The following RBM47 variants were observed in gnomAD, a reference collection of about 807,000 sequenced individuals.
RBM47 encodes the protein RNA binding motif protein 47.
Under a neutral mutation model 47.1 loss-of-function variants are expected in RBM47, and 21 were observed. The ratio of observed to expected loss-of-function variants is 0.45; its 90% CI spans 0.32 to 0.64. The LOEUF (loss-of-function observed/expected upper bound fraction) is 0.64. Among genes scored for constraint, RBM47 ranks in the 30% least tolerant of loss-of-function variants. RBM47 has a pLI of 0.05. For synonymous variants in RBM47, 375 were observed against 361.7 expected, an observed-to-expected ratio of 1.04 and a Z score of -0.42; for missense variants, 708 against 870.9, an observed-to-expected ratio of 0.81 and a Z score of 2.35.
chr4:40,616,933 TG>T (rs1480406215), intron 1 of RBM47, among the ~76,000 whole-genome samples: 3 of 145,944 alleles, frequency 2.1e-5, no homozygotes, highest in Non-Finnish European at 4.5e-5. Context: ...TGGAGTGCAG[TG>T]GCGCGATCTT....
chr4:40,522,138 A>T (rs190372488), intron 2 of RBM47, among the ~76,000 whole-genome samples: 116 of 152,338 alleles, frequency 7.6e-4, no homozygotes, highest in Non-Finnish European at 1.3e-3. Context: ...AGATGGGCCA[A>T]CCAATTTTAA....
chr4:40,542,669 C>T (rs557628775), intron 2 of RBM47: 2 of 152,236 alleles, frequency 1.3e-5, no homozygotes, highest in African/African-American at 4.8e-5. Context: ...GCATACCCAG[C>T]TAATTTTTTA....
Position 40,423,824 on chromosome 4 carries a change from G to A in RBM47, c.*2080C>T, listed in dbSNP as rs1205366206. ...ATAGTTTCATCCAGTGAAACTCTGT[G>A]ACAATCCTTCACTAGAAGGAGAGTA... is the stretch of plus-strand genomic sequence containing the variant. On this transcript the variant is annotated 3_prime_UTR_variant, in exon 7 of 7. Transcript: ENST00000295971. The A allele has an allele frequency of 6.6e-6, 1 of 152,256 alleles. No individual in the cohort carries two copies. The highest frequency in any genetic ancestry group is 6.6e-5 in the Admixed American group (1 of 15,194). The allele number at this position is 152,256 out of a possible 1,614,324, so 9.4% of individuals were successfully genotyped here. A position where few individuals can be genotyped will look rare whatever the true frequency, so the allele number is the denominator to read the frequency against.
chr4:40,445,248 T>A (rs1714354780), intron 3 of RBM47, among the ~76,000 whole-genome samples: 1 of 137,548 alleles, frequency 7.3e-6, no homozygotes. Flanking sequence ...CACTCCAGCC[T>A]GGGCGACAGA....
At chr4:40,551,473 C>T (rs1037165449) in intron 1 of RBM47, among the ~76,000 whole-genome samples, 1 of 151,850 alleles carries the variant, frequency 6.6e-6, no homozygotes, top group African/African-American at 2.4e-5. Context: ...AAGAAAACAA[C>T]AAAACAAAGT....
At chr4:40,617,746 TAA>T (rs1736884273) in intron 1 of RBM47, among the ~76,000 whole-genome samples, 1 of 151,460 alleles carries the variant, frequency 6.6e-6, no homozygotes, top group East Asian at 1.9e-4. Flanking sequence ...ATTTGAGTTA[TAA>T]GTTTGATGAC....
In RBM47 at chr4:40,561,547, T is replaced by TTC. The variant is rs201275900; in HGVS notation, c.-239-17042_-239-17041insGA. ...CTTCTTTTTTGCTTCTTCTTTTCTTTTTTTTTTCTTTTTTTTTTTTGAGAC... is the reference window on the plus strand; with the variant it reads ...CTTCTTTTTTGCTTCTTCTTTTCTTTTCTTTTTTTCTTTTTTTTTTTTGAGAC... On this transcript the variant is annotated intron_variant, in intron 1 of 6. Transcript: ENST00000295971. 7.9e-3 allele frequency among the ~76,000 whole-genome samples: 1,075 copies of TTC among 136,500 alleles called. 43 individuals carry two copies. Among genetic ancestry groups the TTC allele is most frequent in the African/African-American group, 0.026 (865 of 33,886 alleles). The allele number at this position is 136,500 out of a possible 152,430, so 89.5% of individuals were successfully genotyped here.
rs775278761 is a variant in RBM47, at chr4:40,438,280, C to T, written c.614G>A (p.Arg205His). 4 of 1,603,828 alleles carry T rather than the reference C, an allele frequency of 2.5e-6. No individual in the cohort carries two copies. The highest frequency in any genetic ancestry group is 3.4e-6 in the Non-Finnish European group (4 of 1,179,864). ...GFAFVEYESHRAAAMARRKLM... is the reference protein window; with the variant it reads ...GFAFVEYESHHAAAMARRKLM... ...CTTGCGGCGAGCCATGGCAGCCGCG[C>T]GGTGGCTCTCGTACTCCACGAAGGC... The change falls in exon 4 of 7, where the codon CGC becomes CAC. Residue 205 changes from arginine to histidine, a missense_variant. Transcript: ENST00000295971.
chr4:40,472,902 TAA>T (rs1176711717), intron 2 of RBM47, among the ~76,000 whole-genome samples: 1 of 152,178 alleles, frequency 6.6e-6, no homozygotes, highest in Non-Finnish European at 1.5e-5. Context: ...AGATAGCATC[TAA>T]AAGAGTGCTA....
intron 2 of RBM47, among the ~76,000 whole-genome samples, chr4:40,471,968 C>T (rs1718943488): frequency 6.6e-6 from 1 of 152,162 alleles, no homozygotes; most frequent in African/African-American, 2.4e-5. Flanking sequence ...GTGATATGCT[C>T]CCCCAACATC....
intron 1 of RBM47, among the ~76,000 whole-genome samples, chr4:40,618,739 G>A (rs1159999632): frequency 7.1e-6 from 1 of 141,270 alleles, no homozygotes; most frequent in African/African-American, 2.6e-5. Flanking sequence ...AACCTGGGAG[G>A]TAGAGGTTGC....
At chr4:40,562,067 A>G (rs1157793722) in intron 1 of RBM47, among the ~76,000 whole-genome samples, 1 of 152,204 alleles carries the variant, frequency 6.6e-6, no homozygotes, top group East Asian at 1.9e-4. Flanking sequence ...ATGTTTTACA[A>G]TCAGTACCCC....
At chr4:40,543,169 T>G (rs1460168048) in intron 2 of RBM47, 1 of 152,236 alleles carries the variant, frequency 6.6e-6, no homozygotes. Context: ...TAGGGAATCA[T>G]GCCCATTCTG....
chr4:40,469,426 T>G (rs1339673177), intron 2 of RBM47, among the ~76,000 whole-genome samples: 7 of 139,170 alleles, frequency 5.0e-5, no homozygotes, highest in African/African-American at 1.9e-4. Context: ...ACACAATCCA[T>G]TCCATAATTT....
intron 1 of RBM47, among the ~76,000 whole-genome samples, chr4:40,611,344 T>C (rs1246984566): frequency 6.6e-6 from 1 of 152,244 alleles, no homozygotes; most frequent in African/African-American, 2.4e-5. Context: ...TTCTGATACA[T>C]TTTGTATCTC....
chr4:40,509,707 C>T (rs1724637519), intron 2 of RBM47, among the ~76,000 whole-genome samples: 1 of 148,526 alleles, frequency 6.7e-6, no homozygotes, highest in Admixed American at 6.8e-5. Context: ...CGGTGAAACC[C>T]CGTCTCCACT....
chr4:40,597,796 G>A (rs560503636), intron 1 of RBM47, among the ~76,000 whole-genome samples: 10 of 152,152 alleles, frequency 6.6e-5, no homozygotes, highest in Non-Finnish European at 1.2e-4. Flanking sequence ...AATAGCACCT[G>A]CCCATGAAAA....
chr4:40,516,084 CACA>C (rs1317972691), intron 2 of RBM47: 1 of 151,572 alleles, frequency 6.6e-6, no homozygotes, highest in African/African-American at 2.4e-5. Context: ...CTTTTGCTTT[CACA>C]ACATTTCTCG....
intron 1 of RBM47, among the ~76,000 whole-genome samples, chr4:40,600,999 A>AAAAAAAAAAAAGAAAG (rs1338188731): frequency 6.8e-6 from 1 of 147,284 alleles, no homozygotes; most frequent in African/African-American, 2.6e-5. Flanking sequence ...AAAAAAAAAA[A>AAAAAAAAAAAAGAAAG]AAAGAAAGAA....
Sources: allele counts gnomAD v4.1 joint callset (sites outside exome capture counted in the v4.1 genomes callset), GRCh38; gene constraint gnomAD v4.1.1; transcripts MANE v1.5; gene names NCBI Gene and HGNC (gene_info 2026-07-23, HGNC 2026-07-21).